Variants in TFEC observed in about 807,000 individuals in gnomAD.
TFEC encodes transcription factor EC, also known as class E basic helix-loop-helix protein 34.
TFEC carries 31 observed loss-of-function variants against 41.6 expected under a neutral mutation model. The ratio of observed to expected loss-of-function variants is 0.74; its 90% confidence interval spans 0.56 to 1.01. The LOEUF (loss-of-function observed/expected upper bound fraction) is 1.01, where lower values mean the gene tolerates loss of function less well. Among genes scored for constraint, TFEC ranks in the 50% least tolerant of loss-of-function variants. TFEC has a pLI of 0.00. For synonymous variants in TFEC, 143 were observed against 140.6 expected (o/e 1.02, Z -0.12); for missense variants, 402 against 404.1 (o/e 0.99, Z 0.04).
chr7:116,035,809 T>C (rs1044272694), upstream of TFEC, among the ~76,000 whole-genome samples: 5 of 151,902 alleles, frequency 3.3e-5, no homozygotes, highest in Non-Finnish European at 7.4e-5. Flanking sequence ...TCTAATAATT[T>C]GTTGAGAGAG....
intron 1 of TFEC, among the ~76,000 whole-genome samples, chr7:115,993,015 T>C (rs1011641909): frequency 6.6e-6 from 1 of 152,220 alleles, no homozygotes; most frequent in Admixed American, 6.5e-5. Context: ...CACGATCAAG[T>C]GGGCTTCAAC....
chr7:116,111,549 T>G (rs142914527), intron 2 of TFEC, among the ~76,000 whole-genome samples: 463 of 152,118 alleles, frequency 3.0e-3, no homozygotes, highest in African/African-American at 0.01. Context: ...CAATGGATAC[T>G]GCATTTCCCA....
At chr7:116,074,164 T>C (rs945162024) in intron 3 of TFEC, among the ~76,000 whole-genome samples, 1 of 142,430 alleles carries the variant, frequency 7.0e-6, no homozygotes, top group African/African-American at 2.7e-5. Flanking sequence ...ACTAAATATG[T>C]ATTTACCTAA....
chr7:115,944,845 A>G (rs543304835), intron 6 of TFEC, among the ~76,000 whole-genome samples: 1 of 151,356 alleles, frequency 6.6e-6, no homozygotes, highest in African/African-American at 2.4e-5. Context: ...TTAGTAAATA[A>G]AACTGCAACA....
At chr7:116,081,130 C>T (rs543310916) in intron 3 of TFEC, among the ~76,000 whole-genome samples, 1 of 151,944 alleles carries the variant, frequency 6.6e-6, no homozygotes, top group South Asian at 2.1e-4. Flanking sequence ...GAATACCAAA[C>T]ATCATATGTT....
intron 3 of TFEC, among the ~76,000 whole-genome samples, chr7:116,054,655 A>G (rs1796387190): frequency 6.6e-6 from 1 of 152,150 alleles, no homozygotes; most frequent in African/African-American, 2.4e-5. Context: ...ATTTTTTTAA[A>G]TGAATATTTT....
chr7:116,093,254 A>T, intron 3 of TFEC, among the ~76,000 whole-genome samples: 1 of 152,172 alleles, frequency 6.6e-6, no homozygotes, highest in Non-Finnish European at 1.5e-5. Flanking sequence ...TATGTTTGAA[A>T]AATGGAAACC....
chr7:115,968,613 G>T (rs1181060154), intron 3 of TFEC, among the ~76,000 whole-genome samples: 2 of 151,888 alleles, frequency 1.3e-5, no homozygotes, highest in South Asian at 4.1e-4. Context: ...ACCAATGGGT[G>T]TAAATAATAC....
intron 1 of TFEC, among the ~76,000 whole-genome samples, chr7:116,112,684 A>T (rs1299432385): frequency 3.3e-5 from 5 of 152,012 alleles, no homozygotes; most frequent in Admixed American, 3.3e-4. Context: ...ATGTATAGAA[A>T]AAAAGAACCA....
intron 3 of TFEC, chr7:115,968,352 G>T (rs879809072): frequency 1.3e-4 from 187 of 1,408,290 alleles, no homozygotes; most frequent in Non-Finnish European, 1.6e-4. Flanking sequence ...GACTAATCTT[G>T]TCTAGATTGT....
intron 3 of TFEC, among the ~76,000 whole-genome samples, chr7:116,053,352 G>C (rs1469950275): frequency 6.6e-6 from 1 of 152,206 alleles, no homozygotes; most frequent in Admixed American, 6.5e-5. Flanking sequence ...AATGGGGTTT[G>C]TGGAGAAAGG....
intron 1 of TFEC, among the ~76,000 whole-genome samples, chr7:116,150,332 T>TCAATGA (rs1798734634): frequency 6.6e-6 from 1 of 152,164 alleles, no homozygotes; most frequent in Admixed American, 6.5e-5. Context: ...TTCAAGATTT[T>TCAATGA]CAATGACATG....
rs1307158329 is a variant in TFEC, at chr7:115,938,742, C to T, written c.*1809G>A. 1 of 151,892 alleles carries T rather than the reference C, an allele frequency of 6.6e-6. No homozygotes were observed. The highest frequency in any genetic ancestry group is 2.4e-5 in the African/African-American group (1 of 41,406). The allele number at this position is 151,892 out of a possible 1,614,324, so 9.4% of individuals were successfully genotyped here. ...AAAGCTTAATATTCATGAAAGATTA[C>T]ATCTCACTCATTAGTAATATATATT... On this transcript the variant is annotated 3_prime_UTR_variant, in exon 8 of 8. Transcript: ENST00000265440.
intron 1 of TFEC, among the ~76,000 whole-genome samples, chr7:115,988,697 A>G (rs2130702373): frequency 6.6e-6 from 1 of 152,278 alleles, no homozygotes; most frequent in South Asian, 2.1e-4. Flanking sequence ...TTCAATTAAT[A>G]TAATGTACCA....
At position 116,111,998 on chromosome 7, in the gene TFEC, C is replaced by T. The variant is rs151070333; in HGVS notation, c.-28G>A. ...TTGTATGAAAACTGCATACCTTTTA[C>T]TTTCTGATTTTCTCTAGGGAACTAA... On this transcript the variant is annotated 5_prime_UTR_variant, in exon 2 of 9. Coordinates refer to the TFEC transcript ENST00000484212. 4.1e-6 allele frequency: 4 copies of T among 986,714 alleles called. No homozygotes were observed. The East Asian group carries it at 4.5e-4, about 112-fold the overall frequency. 61.1% of individuals were successfully genotyped at this position (986,714 alleles called of 1,614,324 possible).
At chr7:116,152,952 A>T (rs1318057723) in intron 1 of TFEC, among the ~76,000 whole-genome samples, 1 of 152,218 alleles carries the variant, frequency 6.6e-6, no homozygotes, top group Non-Finnish European at 1.5e-5. Flanking sequence ...AGAGATAGTA[A>T]AAGCACATTA....
intron 1 of TFEC, among the ~76,000 whole-genome samples, chr7:116,003,097 A>C (rs1168422491): frequency 6.6e-6 from 1 of 152,150 alleles, no homozygotes; most frequent in Non-Finnish European, 1.5e-5. Flanking sequence ...ATCAATGGAC[A>C]TCAATGGTTT....
chr7:115,956,860 T>C, intron 3 of TFEC, 67 bp from the exon 4 acceptor site: 1 of 918,966 alleles, frequency 1.1e-6, no homozygotes, highest in Non-Finnish European at 1.5e-6. Flanking sequence ...TTTAGTTATA[T>C]ATATTACATT....
intron 3 of TFEC, among the ~76,000 whole-genome samples, chr7:116,107,609 G>T (rs1050339226): frequency 1.3e-5 from 2 of 152,092 alleles, no homozygotes; most frequent in Admixed American, 6.6e-5. Flanking sequence ...AGTCATCCCT[G>T]ATATCAGCTC....
Sources: gnomAD v4.1 joint callset for allele counts (sites outside exome capture counted in the v4.1 genomes callset) on GRCh38, gnomAD v4.1.1 for gene constraint, MANE v1.5 for transcripts, NCBI Gene and HGNC (gene_info 2026-07-23, HGNC 2026-07-21) for gene names.